SFMBT2: variants seen among roughly 807,000 people sequenced by gnomAD.
The protein encoded by SFMBT2 is scm-like with four MBT domains protein 2.
A neutral mutation model predicts 110.1 loss-of-function variants in SFMBT2; 38 were observed. The observed-to-expected ratio is 0.35, with a 90% CI of 0.27 to 0.45. The LOEUF is 0.45. Ranked by LOEUF, SFMBT2 falls within the 20% of genes least tolerant of loss-of-function variation. The pLI is 1.00. For synonymous variants in SFMBT2, 425 were observed against 425.4 expected (o/e 1.00, Z 0.01); for missense variants, 1,011 against 1,094.9 (o/e 0.92, Z 1.08).
At chr10:7,263,044 G>T (rs1268217448) in intron 7 of SFMBT2, among the ~76,000 whole-genome samples, 1 of 152,088 alleles carries the variant, frequency 6.6e-6, no homozygotes, top group Admixed American at 6.6e-5. Context: ...ATGGCAACAG[G>T]AGGTAGGGGA....
chr10:7,219,591 G>A (rs1839658557), intron 11 of SFMBT2: 3 of 212,666 alleles, frequency 1.4e-5, no homozygotes, highest in Non-Finnish European at 2.4e-5. Flanking sequence ...TCATGGTATT[G>A]AGTAAGTCAT....
chr10:7,200,863 G>A (rs928085506), intron 13 of SFMBT2: 3 of 210,466 alleles, frequency 1.4e-5, no homozygotes, highest in Non-Finnish European at 2.5e-5. Flanking sequence ...TTTCCACTTC[G>A]ATGTCTAATT....
chr10:7,200,223 A>G (rs1838908514), intron 14 of SFMBT2, among the ~76,000 whole-genome samples, 191 bp downstream of exon 14: 1 of 152,252 alleles, frequency 6.6e-6, no homozygotes, highest in Non-Finnish European at 1.5e-5. Context: ...GCAGAAAAGA[A>G]GAGGCACAGA....
chr10:7,185,393 CTT>C (rs1374937543), intron 16 of SFMBT2, among the ~76,000 whole-genome samples: 4 of 152,180 alleles, frequency 2.6e-5, no homozygotes, highest in African/African-American at 9.7e-5. Context: ...ACATAAATCA[CTT>C]TATAGCCAAA....
At chr10:7,397,099 T>C (rs1005824413) in intron 1 of SFMBT2, among the ~76,000 whole-genome samples, 2 of 152,158 alleles carry the variant, frequency 1.3e-5, no homozygotes, top group African/African-American at 4.8e-5. Flanking sequence ...ATTGGAATCA[T>C]CCAAACTCAA....
chr10:7,257,822 T>TC (rs1470255847), intron 7 of SFMBT2, among the ~76,000 whole-genome samples: 1 of 152,208 alleles, frequency 6.6e-6, no homozygotes, highest in Non-Finnish European at 1.5e-5. Context: ...TTGTGAAAGA[T>TC]GAGGCACAGG....
chr10:7,296,949 C>G (rs772814518), intron 4 of SFMBT2, among the ~76,000 whole-genome samples: 19 of 152,184 alleles, frequency 1.2e-4, no homozygotes, highest in Non-Finnish European at 2.1e-4. Context: ...AGCAGACGGC[C>G]TTGGACTGGA....
intron 4 of SFMBT2, among the ~76,000 whole-genome samples, chr10:7,347,249 A>G (rs1259036652): frequency 6.6e-6 from 1 of 152,186 alleles, no homozygotes; most frequent in African/African-American, 2.4e-5. Context: ...TGCTGTCCCC[A>G]GCCTCTCCCT....
At position 7,347,112 on chromosome 10, in the gene SFMBT2, C is replaced by T. The variant is rs538094263; in HGVS notation, c.436+20537G>A. 4.1e-4 allele frequency among the ~76,000 whole-genome samples: 63 copies of T among 152,310 alleles called. 3 individuals are homozygous for T. In the South Asian group the frequency reaches 0.012, roughly 30 times the overall value. ...CCTTCTTTGTTGTAGGAAAAGCAGC[C>T]TCCCCATCCCAGGGATTTTAGCAAG... is the stretch of plus-strand genomic sequence containing the variant. On this transcript the variant is annotated intron_variant, in intron 4 of 20. Coordinates refer to ENST00000397167, the MANE Select transcript of SFMBT2 (RefSeq NM_001387889.1).
chr10:7,165,542 C>G (rs1295225845), intron 20 of SFMBT2, among the ~76,000 whole-genome samples: 2 of 152,210 alleles, frequency 1.3e-5, no homozygotes, highest in South Asian at 4.1e-4. Flanking sequence ...CTAATAAGTA[C>G]TGTAGCAATA....
chr10:7,277,355 T>G (rs547601444), intron 6 of SFMBT2: 5 of 237,270 alleles, frequency 2.1e-5, no homozygotes, highest in Non-Finnish European at 3.4e-5. Context: ...TGCCCACTGA[T>G]GAGGAACTTA....
chr10:7,381,002 T>C lies in SFMBT2; in HGVS notation c.100+797A>G, dbSNP rs561393225. Among the ~76,000 whole-genome samples the C allele has an allele frequency of 3.4e-4, 51 of 152,048 alleles. No homozygotes were observed. In the South Asian group the frequency reaches 1.0e-2, roughly 30 times the overall value. On this transcript the variant is annotated intron_variant, in intron 2 of 20. Coordinates refer to ENST00000397167, the MANE Select transcript of SFMBT2 (RefSeq NM_001387889.1). ...AGGTCAAGGCTGCAGTGAGCCATGA[T>C]TGCACCACCGTACTCCAACCTGGGC...
At chr10:7,235,475 T>A (rs1038626227) in intron 9 of SFMBT2, among the ~76,000 whole-genome samples, 1 of 151,786 alleles carries the variant, frequency 6.6e-6, no homozygotes, top group Non-Finnish European at 1.5e-5. Flanking sequence ...TGATCCTGAA[T>A]CTGAACACCT....
At chr10:7,273,575 T>G (rs1024667703) in intron 7 of SFMBT2, among the ~76,000 whole-genome samples, 5 of 152,196 alleles carry the variant, frequency 3.3e-5, no homozygotes, top group African/African-American at 1.2e-4. Flanking sequence ...CCGCACCCAT[T>G]AACTCACCAA....
At chr10:7,220,830 T>C (rs7083257) in intron 10 of SFMBT2, among the ~76,000 whole-genome samples, 4 of 31,558 alleles carry the variant, frequency 1.3e-4, no homozygotes, top group Non-Finnish European at 2.1e-4. Context: ...TTCCTTCTTT[T>C]TTTTTTTTGT....
intron 11 of SFMBT2, among the ~76,000 whole-genome samples, chr10:7,218,011 A>G (rs1354275424): frequency 6.6e-6 from 1 of 152,238 alleles, no homozygotes; most frequent in Non-Finnish European, 1.5e-5. Flanking sequence ...TAAAGAATGA[A>G]TCAACTTCAA....
chr10:7,357,504 C>T (rs1844560160), intron 4 of SFMBT2, among the ~76,000 whole-genome samples: 1 of 152,200 alleles, frequency 6.6e-6, no homozygotes, highest in African/African-American at 2.4e-5. Flanking sequence ...CTGCTTCAGA[C>T]TCAAACTGCA....
intron 1 of SFMBT2, among the ~76,000 whole-genome samples, chr10:7,398,670 C>T (rs1244492821): frequency 2.6e-5 from 4 of 152,132 alleles, no homozygotes; most frequent in African/African-American, 9.7e-5. Context: ...GAGATGTAGT[C>T]ACACTGGGTT....
chr10:7,349,400 C>T (rs1346988372), intron 4 of SFMBT2, among the ~76,000 whole-genome samples: 1 of 148,408 alleles, frequency 6.7e-6, no homozygotes, highest in Non-Finnish European at 1.5e-5. Context: ...CAGTTTGGAT[C>T]CTCTCACTTT....
Sources: gnomAD v4.1 joint callset for allele counts (sites outside exome capture counted in the v4.1 genomes callset) on GRCh38, gnomAD v4.1.1 for gene constraint, MANE v1.5 for transcripts, NCBI Gene and HGNC (gene_info 2026-07-23, HGNC 2026-07-21) for gene names.